The following TENM2 variants were observed in gnomAD, a reference collection of about 807,000 sequenced individuals.
TENM2 encodes the protein teneurin-2.
A neutral mutation model predicts 245.2 loss-of-function variants in TENM2; 52 were observed. The observed-to-expected ratio is 0.21, with a 90% CI of 0.17 to 0.27. The LOEUF is 0.27. Ranked by LOEUF, TENM2 falls within the 10% of genes least tolerant of loss-of-function variation. The pLI is 1.00. For missense variants in TENM2, 3,046 were observed against 3,666.8 expected, an observed-to-expected ratio of 0.83 and a Z score of 4.37; for synonymous variants, 1,363 against 1,438.9, an observed-to-expected ratio of 0.95 and a Z score of 1.19.
At chr5:168,094,565 A>G (rs1467706333) in intron 8 of TENM2, among the ~76,000 whole-genome samples, 1 of 152,048 alleles carries the variant, frequency 6.6e-6, no homozygotes, top group African/African-American at 2.4e-5. Context: ...CACATGTTCT[A>G]CAGCAGGGGT....
intron 2 of TENM2, among the ~76,000 whole-genome samples, chr5:167,410,660 A>G (rs1453068509): frequency 6.6e-6 from 1 of 152,110 alleles, no homozygotes; most frequent in Non-Finnish European, 1.5e-5. Flanking sequence ...CTTGGTATGC[A>G]TAAAGCAGGT....
chr5:167,572,108 G>C (rs543123040), intron 2 of TENM2, among the ~76,000 whole-genome samples: 39 of 152,348 alleles, frequency 2.6e-4, no homozygotes, highest in African/African-American at 9.4e-4. Flanking sequence ...AAGCACATTA[G>C]GGTGGAGGTG....
At chr5:167,344,277 T>TGCAC (rs1164183162) in intron 1 of TENM2, among the ~76,000 whole-genome samples, 1 of 133,674 alleles carries the variant, frequency 7.5e-6, no homozygotes, top group Admixed American at 8.2e-5. Context: ...CACATGCACG[T>TGCAC]GCACGCACAC....
chr5:167,570,960 C>A (rs1040530185), intron 2 of TENM2, among the ~76,000 whole-genome samples: 2 of 151,928 alleles, frequency 1.3e-5, no homozygotes, highest in Non-Finnish European at 2.9e-5. Flanking sequence ...AGTGGTAGAA[C>A]TTATTGAGTT....
chr5:167,539,534 A>G (rs1399964015), intron 2 of TENM2, among the ~76,000 whole-genome samples: 1 of 152,208 alleles, frequency 6.6e-6, no homozygotes, highest in African/African-American at 2.4e-5. Context: ...AAACCAAGAT[A>G]AGATTAAGGT....
intron 2 of TENM2, among the ~76,000 whole-genome samples, chr5:167,798,085 C>G (rs1239127580): frequency 2.0e-5 from 3 of 152,178 alleles, no homozygotes; most frequent in Non-Finnish European, 4.4e-5. Flanking sequence ...CCTGATAGTC[C>G]TCTTTACCGA....
chr5:167,113,831 G>A, the TENM2 span, among the ~76,000 whole-genome samples: 2 of 152,264 alleles, frequency 1.3e-5, no homozygotes, highest in South Asian at 4.1e-4. Flanking sequence ...ATGGTTAACT[G>A]TCTGATCCTT....
rs10037267 is a variant in TENM2, at chr5:167,471,706, C to T, written c.502+96233C>T. On this transcript the variant is annotated intron_variant, in intron 2 of 28. Transcript: ENST00000518659. Reference sequence around the variant, plus strand: ...AATGTGTCCTATGACATTCCCACAGCTCTTGTTAGACAGGTAGGTGTGTGG... The same window carrying T: ...AATGTGTCCTATGACATTCCCACAGTTCTTGTTAGACAGGTAGGTGTGTGG... 3.2e-3 allele frequency among the ~76,000 whole-genome samples: 487 copies of T among 152,310 alleles called. 1 individual carries two copies. Among genetic ancestry groups the T allele is most frequent in the African/African-American group, 0.011 (468 of 41,572 alleles).
At chr5:167,204,389 C>T in the TENM2 span, among the ~76,000 whole-genome samples, 1 of 152,126 alleles carries the variant, frequency 6.6e-6, no homozygotes, top group Non-Finnish European at 1.5e-5. Context: ...TGTGGACAAA[C>T]CACAGTGGAG....
the TENM2 span, among the ~76,000 whole-genome samples, chr5:167,148,506 A>C: frequency 6.6e-6 from 1 of 152,218 alleles, no homozygotes; most frequent in Non-Finnish European, 1.5e-5. Context: ...ATAGACATCC[A>C]GGTATATATT....
At chr5:167,623,217 AG>A (rs1778288042) in intron 2 of TENM2, among the ~76,000 whole-genome samples, 1 of 152,136 alleles carries the variant, frequency 6.6e-6, no homozygotes. Context: ...TGAAATAAAA[AG>A]GAGACTGCAT....
the TENM2 span, among the ~76,000 whole-genome samples, chr5:167,128,783 C>T: frequency 5.8e-4 from 88 of 152,228 alleles, 1 homozygote; most frequent in Middle Eastern, 3.4e-3. Flanking sequence ...ATGACCTGGA[C>T]GGTACACACT....
chr5:167,893,750 A>G (rs1774951177), intron 3 of TENM2, among the ~76,000 whole-genome samples: 1 of 152,080 alleles, frequency 6.6e-6, no homozygotes, highest in Non-Finnish European at 1.5e-5. Context: ...TAGTAGGACA[A>G]TCATTCAAGT....
intron 4 of TENM2, among the ~76,000 whole-genome samples, chr5:167,989,154 T>C (rs1017790884): frequency 1.2e-4 from 18 of 152,042 alleles, no homozygotes; most frequent in African/African-American, 4.1e-4. Context: ...GATAGACACA[T>C]TTAAAATAAT....
chr5:168,199,414 A>G (rs961034035), intron 16 of TENM2, among the ~76,000 whole-genome samples: 1 of 152,238 alleles, frequency 6.6e-6, no homozygotes, highest in Non-Finnish European at 1.5e-5. Context: ...ACAGAGATAC[A>G]TGGTAAGAGG....
rs541463160 is a variant in TENM2 at position 167,287,294 on chromosome 5, C to T, written c.226+2231C>T. On this transcript the variant is annotated intron_variant, in intron 1 of 28. Coordinates refer to ENST00000518659, the Ensembl canonical transcript of TENM2. ...ACAGACAGGGTTAAAATAAATTTTACACTCAGTAATAACAATAATTTTTTT... is the reference window on the plus strand; with the variant it reads ...ACAGACAGGGTTAAAATAAATTTTATACTCAGTAATAACAATAATTTTTTT... 4.6e-5 allele frequency: 7 copies of T among 152,304 alleles called. No homozygotes were observed. In the East Asian group the frequency reaches 1.4e-3, roughly 29 times the overall value. The allele number at this position is 152,304 out of a possible 1,614,324, so 9.4% of individuals were successfully genotyped here.
At position 167,358,803 on chromosome 5, in the gene TENM2, G is replaced by GCA. The variant is rs58530155; in HGVS notation, c.227-16347_227-16346dup. 9.2e-3 allele frequency among the ~76,000 whole-genome samples: 1,328 copies of GCA among 143,920 alleles called. 14 individuals are homozygous for GCA. The highest frequency in any genetic ancestry group is 0.014 in the Non-Finnish European group (922 of 66,374). The allele number at this position is 143,920 out of a possible 152,430, so 94.4% of individuals were successfully genotyped here. A position where few individuals can be genotyped will look rare whatever the true frequency, so the allele number is the denominator to read the frequency against. On this transcript the variant is annotated intron_variant, in intron 1 of 28. Transcript: ENST00000518659. ...ATCTCGAAGACTGAAATTCTGATCT[G>GCA]CACACACACACACACACACACACAC...
the TENM2 span, among the ~76,000 whole-genome samples, chr5:166,979,191 C>CAGCAGCAGCAG: frequency 1.2e-5 from 1 of 85,256 alleles, no homozygotes; most frequent in Non-Finnish European, 2.2e-5. Context: ...AGCAGCACCA[C>CAGCAGCAGCAG]CACCAGCAGC....
chr5:167,031,527 A>T, the TENM2 span, among the ~76,000 whole-genome samples: 1 of 152,054 alleles, frequency 6.6e-6, no homozygotes. Context: ...AACATTGGAG[A>T]GGTTTCTTCC....
Sources: allele counts gnomAD v4.1 joint callset (sites outside exome capture counted in the v4.1 genomes callset), GRCh38; gene constraint gnomAD v4.1.1; transcripts MANE v1.5; gene names NCBI Gene and HGNC (gene_info 2026-07-23, HGNC 2026-07-21).